CNNM1: variants seen among roughly 807,000 people sequenced by gnomAD.
CNNM1 encodes the protein cyclin and CBS domain divalent metal cation transport mediator 1.
CNNM1 carries 44 observed loss-of-function variants against 78.8 expected under a neutral mutation model. The observed-to-expected ratio is 0.56, with a 90% CI of 0.44 to 0.72. The LOEUF is 0.72. Among genes scored for constraint, CNNM1 ranks in the 30% least tolerant of loss-of-function variants. The probability of loss-of-function intolerance (pLI) is 0.00; values close to 1 mark genes in which losing one functional copy is unlikely to be tolerated. For synonymous variants in CNNM1, 584 were observed against 581.5 expected, an observed-to-expected ratio of 1.00 and a Z score of -0.06; for missense variants, 1,101 against 1,292.2, an observed-to-expected ratio of 0.85 and a Z score of 2.27.
At chr10:99,367,343 T>G (rs1180609067) in intron 6 of CNNM1, among the ~76,000 whole-genome samples, 1 of 152,218 alleles carries the variant, frequency 6.6e-6, no homozygotes. Context: ...CACGATGACC[T>G]ATGCTTCAAA....
intron 1 of CNNM1, 22 bp downstream of exon 1, chr10:99,330,982 C>G: frequency 6.3e-7 from 1 of 1,584,958 alleles, no homozygotes; most frequent in Non-Finnish European, 8.6e-7. Context: ...TCTATCTTCT[C>G]CCCCAACTCC....
chr10:99,329,705 C>A lies in CNNM1; in HGVS notation c.318C>A (p.Leu106=), dbSNP rs1180817197. ...GCACCGGCGACTGGGCTCCGCGGCT[C>A]GTGTTCATCGAGGAGCCCCCGGGCG... is the stretch of plus-strand genomic sequence containing the variant. ...ENGTGDWAPR[L]VFIEEPPGGG... is the part of the protein sequence containing the mutation. The change falls in exon 1 of 11, where the codon CTC becomes CTA. Residue 106 remains leucine, a synonymous_variant. Coordinates refer to ENST00000356713, the MANE Select transcript of CNNM1 (RefSeq NM_020348.3). The A allele has an allele frequency of 6.5e-7, 1 of 1,542,028 alleles. No individual in the cohort carries two copies. Among genetic ancestry groups the A allele is most frequent in the South Asian group, 1.2e-5 (1 of 83,738 alleles).
At chr10:99,391,042 C>A (rs2032457648) in intron 10 of CNNM1, among the ~76,000 whole-genome samples, 2 of 152,246 alleles carry the variant, frequency 1.3e-5, no homozygotes, top group African/African-American at 4.8e-5. Context: ...CTACAGCCAC[C>A]AACCCTGATT....
intron 6 of CNNM1, 85 bp from the exon 7 acceptor site, chr10:99,376,970 T>C (rs2134069149): frequency 1.6e-6 from 2 of 1,284,758 alleles, no homozygotes; most frequent in South Asian, 1.4e-5. Flanking sequence ...CACCTGTCTC[T>C]CCCTCCTTCC....
At chr10:99,340,471 A>G (rs968506862) in intron 1 of CNNM1, among the ~76,000 whole-genome samples, 1 of 152,064 alleles carries the variant, frequency 6.6e-6, no homozygotes, top group African/African-American at 2.4e-5. Flanking sequence ...GCTCATCTCA[A>G]TTCGATTTTT....
In CNNM1 at chr10:99,330,703, G is replaced by A; in HGVS notation, c.1316G>A (p.Cys439Tyr). The A allele has an allele frequency of 6.2e-7, 1 of 1,614,018 alleles. No homozygotes were observed. The highest frequency in any genetic ancestry group is 8.5e-7 in the Non-Finnish European group (1 of 1,179,890). The part of the protein sequence containing the change: ...VEEVLTPLGD[C>Y]FMLRSDAVLD... ...GAGGTGCTGACCCCCCTGGGAGACT[G>A]CTTCATGCTGCGCTCAGACGCGGTG... The change falls in exon 1 of 11, where the codon TGC becomes TAC. Residue 439 changes from cysteine to tyrosine, a missense_variant. Cys to Tyr is a radical substitution (Grantham distance 194, BLOSUM62 -2). This residue lies in a region of CNNM1 where 277 missense variants were observed against 423.2 expected (regional missense o/e 0.65). Transcript: ENST00000356713.
intron 1 of CNNM1, among the ~76,000 whole-genome samples, chr10:99,345,924 G>T (rs1163928343): frequency 6.6e-6 from 1 of 152,038 alleles, no homozygotes; most frequent in East Asian, 1.9e-4. Context: ...CGAACTCATG[G>T]CCTCAAGCGA....
At chr10:99,365,121 C>T (rs778044652) in intron 6 of CNNM1, 119 bp downstream of exon 6, 3 of 991,968 alleles carry the variant, frequency 3.0e-6, no homozygotes, top group Non-Finnish European at 4.7e-6. Flanking sequence ...TGCTGGCAGC[C>T]CCTTTGTAAT....
At chr10:99,389,443 A>AT (rs1364846664) in intron 9 of CNNM1, among the ~76,000 whole-genome samples, 1 of 150,798 alleles carries the variant, frequency 6.6e-6, no homozygotes, top group Non-Finnish European at 1.5e-5. Flanking sequence ...AAAAAAATTT[A>AT]AAGTCAACAA....
chr10:99,385,390 A>G (rs2032278348), intron 7 of CNNM1, among the ~76,000 whole-genome samples: 1 of 151,450 alleles, frequency 6.6e-6, no homozygotes, highest in South Asian at 2.1e-4. Context: ...TATTTTCTTG[A>G]TTAAGGATTT....
chr10:99,393,246 T>C lies in CNNM1; in HGVS notation c.*1730T>C, dbSNP rs117462291. The C allele has an allele frequency of 6.6e-3, 1,007 of 152,562 alleles. 10 individuals carry two copies. Among genetic ancestry groups the C allele is most frequent in the Middle Eastern group, 0.027 (8 of 294 alleles). The allele number at this position is 152,562 out of a possible 1,614,324, so 9.5% of individuals were successfully genotyped here. A position where few individuals can be genotyped will look rare whatever the true frequency, so the allele number is the denominator to read the frequency against. On this transcript the variant is annotated 3_prime_UTR_variant, in exon 11 of 11. Transcript: ENST00000356713. Reference sequence around the variant, plus strand: ...CTCCCTCCCACCTCCCCACACCCATTGAGTCATTCACAGGCAGGAGGGAGA... The same window carrying C: ...CTCCCTCCCACCTCCCCACACCCATCGAGTCATTCACAGGCAGGAGGGAGA...
In CNNM1 at chr10:99,388,270, G is replaced by A. The variant is rs772338484; in HGVS notation, c.2643G>A (p.Thr881=). 28 of 1,613,766 alleles carry A rather than the reference G, an allele frequency of 1.7e-5. No individual in the cohort carries two copies. The highest frequency in any genetic ancestry group is 2.4e-5 in the Non-Finnish European group (28 of 1,179,836). Residue 881 remains threonine (T), a synonymous_variant, in exon 9 of 11, where the codon ACG becomes ACA. Coordinates refer to ENST00000356713, the MANE Select transcript of CNNM1 (RefSeq NM_020348.3). ...AGGAGCACAGCACACAGCAGCTCAC[G>A]CTGTCTCCTGCAGCCGTTCCCACGA... ...DFEEHSTQQL[T]LSPAAVPTRA...
rs756580417 is a variant in CNNM1, at chr10:99,330,466, G to A, written c.1079G>A (p.Cys360Tyr). 15 of 1,588,620 alleles carry A rather than the reference G, an allele frequency of 9.4e-6. No homozygotes were observed. Among genetic ancestry groups the A allele is most frequent in the Non-Finnish European group, 1.2e-5 (14 of 1,168,476 alleles). ...CTGGCCATCGCCTCGCACAGCGTGTGCCTGACCCGGCTTCTGATGGCAGCC... is the reference window on the plus strand; with the variant it reads ...CTGGCCATCGCCTCGCACAGCGTGTACCTGACCCGGCTTCTGATGGCAGCC... ...HGLAIASHSV[C>Y]LTRLLMAAAF... is the part of the protein sequence containing the mutation. Residue 360 changes from cysteine to tyrosine, a missense_variant, in exon 1 of 11, where the codon TGC becomes TAC. Cys to Tyr is a radical substitution (Grantham distance 194, BLOSUM62 -2). This residue lies in a region of CNNM1 where 277 missense variants were observed against 423.2 expected (regional missense o/e 0.65). Transcript: ENST00000356713.
At chr10:99,333,749 C>T (rs944342763) in intron 1 of CNNM1, among the ~76,000 whole-genome samples, 3 of 152,154 alleles carry the variant, frequency 2.0e-5, no homozygotes, top group Admixed American at 1.3e-4. Flanking sequence ...AGCAGTCTTT[C>T]GAAGCAGGAA....
At chr10:99,389,388 G>A (rs2032404292) in intron 9 of CNNM1, among the ~76,000 whole-genome samples, 1 of 132,474 alleles carries the variant, frequency 7.5e-6, no homozygotes, top group Non-Finnish European at 1.5e-5. Context: ...TTGCACTCTA[G>A]CCTGGGTGAC....
intron 7 of CNNM1, among the ~76,000 whole-genome samples, chr10:99,386,034 A>G: frequency 6.6e-6 from 1 of 152,228 alleles, no homozygotes; most frequent in Non-Finnish European, 1.5e-5. Context: ...AACAGAGGGA[A>G]TTGCAAAAGT....
At chr10:99,335,978 A>G (rs1004652120) in intron 1 of CNNM1, among the ~76,000 whole-genome samples, 1 of 152,132 alleles carries the variant, frequency 6.6e-6, no homozygotes, top group Non-Finnish European at 1.5e-5. Context: ...CTTAACTACT[A>G]TACTTCCTTA....
Position 99,329,859 on chromosome 10 carries a change from GC to G in CNNM1, c.475del (p.Leu159TrpfsTer75). 7.1e-7 allele frequency: 1 copy of G among 1,410,446 alleles called. No individual in the cohort carries two copies. 87.4% of individuals were successfully genotyped at this position (1,410,446 alleles called of 1,614,324 possible). ...PLRPGGVAGS[A>X]LVQVRVRELR... ...GCGTCCCGGGGGCGTGGCAGGCTCG[GC>G]CCTGGTCCAGGTGCGAGTGCGGGAG... On this transcript the variant is annotated frameshift_variant, in exon 1 of 11. Transcript: ENST00000356713. LOFTEE classifies it high-confidence loss of function.
intron 1 of CNNM1, among the ~76,000 whole-genome samples, chr10:99,348,985 C>T (rs34164819): frequency 0.21 from 31,434 of 151,976 alleles, 4,115 homozygotes; most frequent in African/African-American, 0.37. Flanking sequence ...TGGGAGGATC[C>T]CTTGAGCCTG....
Sources: allele counts gnomAD v4.1 joint callset (sites outside exome capture counted in the v4.1 genomes callset), GRCh38; gene constraint gnomAD v4.1.1; regional missense constraint gnomAD v4.1.1; transcripts MANE v1.5; gene names NCBI Gene and HGNC (gene_info 2026-07-23, HGNC 2026-07-21).